The following SMARCA2 variants were observed in gnomAD, a reference collection of about 807,000 sequenced individuals.
The protein encoded by SMARCA2 is SWI/SNF related BAF chromatin remodeling complex subunit ATPase 2, also known as SWI/SNF-related matrix-associated actin-dependent regulator of chromatin subfamily A member 2.
A neutral mutation model predicts 199.8 loss-of-function variants in SMARCA2; 61 were observed. The observed-to-expected ratio is 0.31, with a 90% CI of 0.25 to 0.38. The LOEUF (loss-of-function observed/expected upper bound fraction) is 0.38, where lower values mean the gene tolerates loss of function less well. SMARCA2 is among the 10% of genes least tolerant of loss of function. The probability of loss-of-function intolerance (pLI) is 1.00; values close to 1 mark genes in which losing one functional copy is unlikely to be tolerated. For missense variants in SMARCA2, 1,344 were observed against 2,012.2 expected (o/e 0.67, Z 6.35); for synonymous variants, 935 against 732.0 (o/e 1.28, Z -4.48).
At chr9:2,072,756 C>A (rs538870584) in intron 10 of SMARCA2, among the ~76,000 whole-genome samples, 1 of 152,330 alleles carries the variant, frequency 6.6e-6, no homozygotes, top group East Asian at 1.9e-4. Context: ...CATCAGATCT[C>A]CAGGGTTTCT....
chr9:2,153,979 TTAA>T (rs763781868), intron 27 of SMARCA2, among the ~76,000 whole-genome samples: 3 of 152,252 alleles, frequency 2.0e-5, no homozygotes, highest in Non-Finnish European at 4.4e-5. Flanking sequence ...GCAGTCATCA[TTAA>T]TAATAAGTTA....
intron 27 of SMARCA2, among the ~76,000 whole-genome samples, chr9:2,132,486 G>A (rs906631376): frequency 1.3e-5 from 2 of 152,138 alleles, no homozygotes; most frequent in African/African-American, 4.8e-5. Context: ...AAAGCATAAT[G>A]TGCATCATGT....
intron 21 of SMARCA2, among the ~76,000 whole-genome samples, chr9:2,100,003 G>T (rs1472987772): frequency 5.3e-5 from 8 of 152,160 alleles, no homozygotes; most frequent in African/African-American, 1.9e-4. Context: ...TTGCCACAGG[G>T]CTGGAGCCTA....
chr9:2,088,479 C>G, intron 18 of SMARCA2, 21 bp from the exon 19 acceptor site: 1 of 1,556,888 alleles, frequency 6.4e-7, no homozygotes, highest in South Asian at 1.2e-5. Context: ...AAATCAAATT[C>G]ATAATAAGCC....
rs980398428 is a variant in SMARCA2 at position 2,083,271 on chromosome 9, G to C, written c.2349-76G>C. Reference sequence around the variant, plus strand: ...CCCTTTCAAGGTGAGGCCTGAACATGAATAAGAACATCTTTTTAACCATTG... The same window carrying C: ...CCCTTTCAAGGTGAGGCCTGAACATCAATAAGAACATCTTTTTAACCATTG... On this transcript the variant is annotated intron_variant, in intron 15 of 33. Coordinates refer to ENST00000349721, the MANE Select transcript of SMARCA2 (RefSeq NM_003070.5). 1.3e-5 allele frequency: 12 copies of C among 940,576 alleles called. No individual in the cohort carries two copies. The African/African-American group carries it at 2.0e-4, about 16-fold the overall frequency. 58.3% of individuals were successfully genotyped at this position (940,576 alleles called of 1,614,324 possible).
chr9:2,028,783 G>A (rs1818938759), intron 1 of SMARCA2, among the ~76,000 whole-genome samples: 1 of 152,136 alleles, frequency 6.6e-6, no homozygotes, highest in Non-Finnish European at 1.5e-5. Context: ...CATTTAGTGT[G>A]TGTGTTTTTT....
chr9:2,078,447 G>T (rs1050993070), intron 14 of SMARCA2, among the ~76,000 whole-genome samples: 1 of 151,002 alleles, frequency 6.6e-6, no homozygotes, highest in African/African-American at 2.4e-5. Flanking sequence ...ACTCCAGCCT[G>T]GGTGACAAAG....
intron 28 of SMARCA2, among the ~76,000 whole-genome samples, chr9:2,164,278 G>T (rs2129660546): frequency 6.6e-6 from 1 of 152,276 alleles, no homozygotes; most frequent in East Asian, 1.9e-4. Context: ...ATACAGATTG[G>T]TAGGAGATTA....
intron 5 of SMARCA2, among the ~76,000 whole-genome samples, chr9:2,050,750 T>G (rs1407627911): frequency 6.6e-6 from 1 of 152,182 alleles, no homozygotes; most frequent in Non-Finnish European, 1.5e-5. Context: ...TTTTAAAGTG[T>G]CACTCAGCTC....
intron 1 of SMARCA2, among the ~76,000 whole-genome samples, chr9:2,019,194 G>C (rs1215193167): frequency 3.3e-5 from 5 of 151,926 alleles, no homozygotes; most frequent in Middle Eastern, 3.4e-3. Context: ...GGGCATCAGA[G>C]AGATGCCATT....
intron 27 of SMARCA2, among the ~76,000 whole-genome samples, chr9:2,127,490 G>C (rs1823748583): frequency 1.3e-5 from 2 of 152,168 alleles, no homozygotes; most frequent in African/African-American, 4.8e-5. Flanking sequence ...GAGGACAGCT[G>C]TTCTCCATAG....
intron 1 of SMARCA2, among the ~76,000 whole-genome samples, chr9:2,026,875 A>G (rs1275755670): frequency 6.6e-6 from 1 of 152,322 alleles, no homozygotes; most frequent in South Asian, 2.1e-4. Flanking sequence ...TGCTTTGTTC[A>G]TCACAAAGAA....
chr9:2,034,773 C>A (rs558005490), intron 3 of SMARCA2, among the ~76,000 whole-genome samples: 2 of 151,974 alleles, frequency 1.3e-5, no homozygotes, highest in Non-Finnish European at 2.9e-5. Context: ...TTTGAACAGG[C>A]TTTTGAACAT....
chr9:2,128,372 C>G (rs1823789449), intron 27 of SMARCA2, among the ~76,000 whole-genome samples: 1 of 152,202 alleles, frequency 6.6e-6, no homozygotes, highest in Non-Finnish European at 1.5e-5. Flanking sequence ...TAGAAGCTGT[C>G]CTGCATTCTC....
At chr9:2,192,431 T>G in intron 33 of SMARCA2, 1 of 401,840 alleles carries the variant, frequency 2.5e-6, no homozygotes, top group Non-Finnish European at 4.4e-6. Flanking sequence ...AAAGAGAAAA[T>G]ATTAGCCATA....
At chr9:2,120,209 C>G (rs1043114340) in intron 26 of SMARCA2, among the ~76,000 whole-genome samples, 1 of 152,188 alleles carries the variant, frequency 6.6e-6, no homozygotes, top group Non-Finnish European at 1.5e-5. Flanking sequence ...AGACTGATTA[C>G]AGAGAGAGTA....
intron 33 of SMARCA2, chr9:2,192,205 G>T: frequency 5.6e-6 from 1 of 179,336 alleles, no homozygotes; most frequent in Non-Finnish European, 1.1e-5. Flanking sequence ...ATGGTTTCCT[G>T]GCACCCACAT....
At position 2,115,902 on chromosome 9, in the gene SMARCA2, C is replaced by T. The variant is rs886835952; in HGVS notation, c.3537C>T (p.Ser1179=). Residue 1179 remains serine (S), a synonymous_variant, in exon 25 of 34, where the codon AGC becomes AGT. Coordinates refer to ENST00000349721, the MANE Select transcript of SMARCA2 (RefSeq NM_003070.5). This position sits in a 1 kb window ranked among gnomAD's most constrained non-coding sequence, Gnocchi z 6.0. ...VRVLRLCTVN[S]VEEKILAAAK... is the part of the protein sequence containing the mutation. Reference sequence around the variant, plus strand: ...TACTGAGGCTCTGTACCGTGAACAGCGTGGAGGAAAAGATCCTCGCGGCCG... The same window carrying T: ...TACTGAGGCTCTGTACCGTGAACAGTGTGGAGGAAAAGATCCTCGCGGCCG... The T allele has an allele frequency of 1.2e-6, 2 of 1,614,026 alleles. No individual in the cohort carries two copies. The highest frequency in any genetic ancestry group is 2.2e-5 in the East Asian group (1 of 44,870).
chr9:2,058,944 CA>C (rs1452692665), intron 8 of SMARCA2, among the ~76,000 whole-genome samples: 1 of 152,112 alleles, frequency 6.6e-6, no homozygotes, highest in Non-Finnish European at 1.5e-5. Context: ...TATTCTCTAA[CA>C]GTGTAATAAG....
Sources: gnomAD v4.1 joint callset for allele counts (sites outside exome capture counted in the v4.1 genomes callset) on GRCh38, gnomAD v4.1.1 for gene constraint, Gnocchi (gnomAD v3.1) non-coding constraint, MANE v1.5 for transcripts, NCBI Gene and HGNC (gene_info 2026-07-23, HGNC 2026-07-21) for gene names.